Variants in MYBPC1 observed in about 807,000 individuals in gnomAD.
MYBPC1 encodes myosin-binding protein C, slow-type.
MYBPC1 carries 52 observed loss-of-function variants against 147.1 expected under a neutral mutation model. The observed-to-expected ratio is 0.35, with a 90% CI of 0.28 to 0.45. MYBPC1 has a LOEUF of 0.45. Ranked by LOEUF, MYBPC1 falls within the 20% of genes least tolerant of loss-of-function variation. The pLI is 1.00. For missense variants in MYBPC1, 1,228 were observed against 1,440.3 expected (o/e 0.85, Z 2.39); for synonymous variants, 477 against 475.9 (o/e 1.00, Z -0.03).
chr12:101,651,253 A>C lies in MYBPC1; in HGVS notation c.1386A>C (p.Thr462=). 6.2e-7 allele frequency: 1 copy of C among 1,613,908 alleles called. No individual in the cohort carries two copies. The highest frequency in any genetic ancestry group is 1.1e-5 in the South Asian group (1 of 91,078). The change falls in exon 16 of 32, where the codon ACA becomes ACC. Residue 462 remains threonine, a synonymous_variant. Coordinates refer to ENST00000361466, the MANE Select transcript of MYBPC1 (RefSeq NM_002465.4). ...CAGTGAAACCTCTGAAGATTTTGAC[A>C]CCTCTGACTGATCAGACTGTAAATC... The part of the protein sequence containing the change: ...SVDLKPLKIL[T]PLTDQTVNLG...
At chr12:101,673,123 A>G (rs1594044143) in intron 24 of MYBPC1, among the ~76,000 whole-genome samples, 1 of 152,222 alleles carries the variant, frequency 6.6e-6, no homozygotes, top group Admixed American at 6.5e-5. Context: ...ACCTGGTTCC[A>G]GTGCTTACCT....
intron 4 of MYBPC1, 88 bp downstream of exon 4, chr12:101,626,998 T>A: frequency 7.9e-7 from 1 of 1,258,734 alleles, no homozygotes; most frequent in Non-Finnish European, 1.2e-6. Flanking sequence ...GCCTCCTTGC[T>A]GAGTCAGTGC....
At chr12:101,602,486 G>A (rs112031620) in intron 1 of MYBPC1, among the ~76,000 whole-genome samples, 4,886 of 152,238 alleles carry the variant, frequency 0.032, 261 homozygotes, top group African/African-American at 0.11. Context: ...CAAAGTGCTG[G>A]GATTACAGGC....
intron 1 of MYBPC1, among the ~76,000 whole-genome samples, chr12:101,605,027 G>A (rs901122985): frequency 7.2e-5 from 11 of 152,296 alleles, no homozygotes; most frequent in Admixed American, 5.2e-4. Flanking sequence ...CAGGCCCTGG[G>A]TTTACTGAGG....
intron 12 of MYBPC1, among the ~76,000 whole-genome samples, chr12:101,645,213 T>C (rs752700659): frequency 1.3e-5 from 2 of 152,196 alleles, no homozygotes; most frequent in Non-Finnish European, 2.9e-5. Context: ...TCATAATGGG[T>C]GAATACCTTC....
At position 101,606,519 on chromosome 12, in the gene MYBPC1, G is replaced by A. The variant is rs1311873099; in HGVS notation, c.26-7977G>A. On this transcript the variant is annotated intron_variant, in intron 1 of 31. Transcript: ENST00000361466. ...GGGTCTCACTACATTGCCCGGCCTG[G>A]TCTTGAACTCCTGAGCTCAAGCAAG... 3.3e-5 allele frequency among the ~76,000 whole-genome samples: 5 copies of A among 149,746 alleles called. No individual in the cohort carries two copies. The East Asian group carries it at 9.8e-4, about 29-fold the overall frequency.
chr12:101,596,331 T>A (rs576381056), intron 1 of MYBPC1, among the ~76,000 whole-genome samples: 2 of 152,344 alleles, frequency 1.3e-5, no homozygotes, highest in South Asian at 4.1e-4. Context: ...CATGTATTAA[T>A]ATGGGAACTT....
intron 31 of MYBPC1, 56 bp from the exon 32 acceptor site, chr12:101,685,526 G>A (rs1951300718): frequency 2.5e-6 from 3 of 1,220,894 alleles, no homozygotes; most frequent in Non-Finnish European, 2.3e-6. Flanking sequence ...TATTGTTTCA[G>A]CGATTTTTCA....
At chr12:101,621,381 TA>T (rs1355845820) in intron 3 of MYBPC1, among the ~76,000 whole-genome samples, 6 of 152,226 alleles carry the variant, frequency 3.9e-5, no homozygotes, top group African/African-American at 1.4e-4. Flanking sequence ...CATGGTTTTA[TA>T]AGCATCAAAG....
chr12:101,661,970 A>AT (rs1164665976), intron 20 of MYBPC1, among the ~76,000 whole-genome samples: 2 of 151,280 alleles, frequency 1.3e-5, no homozygotes, highest in African/African-American at 4.9e-5. Flanking sequence ...TGCCATGAGA[A>AT]TTTTTTCTCT....
At chr12:101,634,420 G>C in intron 8 of MYBPC1, 134 bp from the exon 9 acceptor site, 1 of 729,472 alleles carries the variant, frequency 1.4e-6, no homozygotes, top group Non-Finnish European at 2.4e-6. Context: ...TGGCAGCACA[G>C]CCATTCAGGA....
At chr12:101,627,432 G>A (rs956996964) in intron 4 of MYBPC1, among the ~76,000 whole-genome samples, 14 of 151,890 alleles carry the variant, frequency 9.2e-5, no homozygotes, top group Admixed American at 5.2e-4. Flanking sequence ...TAGTAGAGAC[G>A]GAGTTTCACC....
intron 19 of MYBPC1, 59 bp from the exon 20 acceptor site, chr12:101,661,099 C>T (rs1896465830): frequency 1.8e-6 from 2 of 1,103,862 alleles, no homozygotes; most frequent in South Asian, 1.3e-5. Context: ...TTCCTATTAA[C>T]TTTTTTTTTC....
At chr12:101,606,310 C>T (rs943068346) in intron 1 of MYBPC1, among the ~76,000 whole-genome samples, 15 of 151,984 alleles carry the variant, frequency 9.9e-5, no homozygotes, top group African/African-American at 3.4e-4. Context: ...TGGAAAACTT[C>T]ACTGTCTATT....
At chr12:101,611,205 A>G (rs1012709294) in intron 1 of MYBPC1, among the ~76,000 whole-genome samples, 1 of 152,192 alleles carries the variant, frequency 6.6e-6, no homozygotes, top group African/African-American at 2.4e-5. Context: ...CAGTCCTAAT[A>G]TCCTATAATG....
chr12:101,608,542 T>G (rs1266643030), intron 1 of MYBPC1, among the ~76,000 whole-genome samples: 1 of 152,236 alleles, frequency 6.6e-6, no homozygotes, highest in Admixed American at 6.5e-5. Context: ...AATATCGGTT[T>G]GCTTGTTTAT....
At chr12:101,652,525 C>CCTCTCT (rs72257829) in intron 16 of MYBPC1, among the ~76,000 whole-genome samples, 153 bp from the exon 17 acceptor site, 11 of 149,374 alleles carry the variant, frequency 7.4e-5, no homozygotes, top group African/African-American at 1.5e-4. Context: ...GGCTTCTCAT[C>CCTCTCT]CTCTCTCTCT....
chr12:101,648,686 G>A (rs952940437), intron 14 of MYBPC1, among the ~76,000 whole-genome samples: 2 of 152,098 alleles, frequency 1.3e-5, no homozygotes, highest in African/African-American at 4.8e-5. Context: ...TATTTTCATA[G>A]TACCTCAGGG....
intron 10 of MYBPC1, 116 bp downstream of exon 10, chr12:101,636,844 T>G: frequency 1.2e-6 from 1 of 853,672 alleles, no homozygotes; most frequent in Non-Finnish European, 2.0e-6. Flanking sequence ...TCTGAAAATG[T>G]GTTTTGCTTA....
Sources: gnomAD v4.1 joint callset for allele counts (sites outside exome capture counted in the v4.1 genomes callset) on GRCh38, gnomAD v4.1.1 for gene constraint, MANE v1.5 for transcripts, NCBI Gene and HGNC (gene_info 2026-07-23, HGNC 2026-07-21) for gene names.